ZC3H12B: variants seen among roughly 807,000 people sequenced by gnomAD.
ZC3H12B encodes the protein zinc finger CCCH-type containing 12B.
A neutral mutation model predicts 43.9 loss-of-function variants in ZC3H12B; 7 were observed. The ratio of observed to expected loss-of-function variants is 0.16; its 90% CI spans 0.09 to 0.30. ZC3H12B has a LOEUF of 0.30. Among genes scored for constraint, ZC3H12B ranks in the 10% least tolerant of loss-of-function variants. The pLI is 1.00. For synonymous variants in ZC3H12B, 222 were observed against 241.7 expected (o/e 0.92, Z 0.76); for missense variants, 475 against 670.2 (o/e 0.71, Z 3.22).
chrX:65,284,698 T>A, the ZC3H12B span, among the ~76,000 whole-genome samples: 2 of 110,100 alleles, frequency 1.8e-5, no homozygotes, highest in South Asian at 7.7e-4. Flanking sequence ...GAGGAAGAGG[T>A]TGCAGTGAGC....
At chrX:65,473,053 G>T (rs1204927358) in intron 3 of ZC3H12B, among the ~76,000 whole-genome samples, 1 of 95,691 alleles carries the variant, frequency 1.0e-5, no homozygotes, top group East Asian at 3.2e-4. Flanking sequence ...TACTCTTGTT[G>T]CCCAGGCTAA....
chrX:65,089,880 T>G, the ZC3H12B span, among the ~76,000 whole-genome samples: 2 of 111,530 alleles, frequency 1.8e-5, no homozygotes, highest in East Asian at 2.8e-4. Flanking sequence ...TCAACATCTT[T>G]TCCCACTGGA....
chrX:65,172,219 C>G, the ZC3H12B span, among the ~76,000 whole-genome samples: 2 of 112,600 alleles, frequency 1.8e-5, no homozygotes, highest in Non-Finnish European at 3.8e-5. Context: ...TGTTTATTGG[C>G]TACATAAATG....
At chrX:65,234,643 G>A in the ZC3H12B span, among the ~76,000 whole-genome samples, 1 of 112,233 alleles carries the variant, frequency 8.9e-6, no homozygotes, top group Non-Finnish European at 1.9e-5. Context: ...AATAAAAAAA[G>A]AAGTCTATTA....
intron 3 of ZC3H12B, among the ~76,000 whole-genome samples, chrX:65,428,696 C>A (rs941938664): frequency 8.9e-5 from 10 of 112,245 alleles, no homozygotes. Flanking sequence ...TGGGTTACAA[C>A]ATGTTCCTTT....
chrX:65,182,267 G>T, the ZC3H12B span, among the ~76,000 whole-genome samples: 3 of 110,771 alleles, frequency 2.7e-5, no homozygotes, highest in Non-Finnish European at 5.7e-5. Flanking sequence ...TGGGGGCAAG[G>T]GGAGGGAGAG....
At chrX:65,090,601 A>G in the ZC3H12B span, among the ~76,000 whole-genome samples, 1 of 111,720 alleles carries the variant, frequency 9.0e-6, no homozygotes, top group Non-Finnish European at 1.9e-5. Flanking sequence ...GGTTGGCTCC[A>G]GAAGATACCC....
chrX:65,121,497 TC>T, the ZC3H12B span, among the ~76,000 whole-genome samples: 6 of 111,644 alleles, frequency 5.4e-5, no homozygotes, highest in African/African-American at 2.0e-4. Context: ...GGTGGTGATA[TC>T]CACTTTATTA....
At chrX:65,188,802 GTTT>G in the ZC3H12B span, among the ~76,000 whole-genome samples, 120 of 100,872 alleles carry the variant, frequency 1.2e-3, 1 homozygote, top group Middle Eastern at 4.9e-3. Context: ...AAGTCTTTAA[GTTT>G]TTTTTTTTTA....
chrX:65,410,574 G>T (rs984250716), intron 3 of ZC3H12B, among the ~76,000 whole-genome samples: 1 of 111,550 alleles, frequency 9.0e-6, no homozygotes, highest in African/African-American at 3.3e-5. Context: ...CATCAGACAA[G>T]GGATTAATAA....
At chrX:65,374,110 T>G (rs1483471720) in intron 2 of ZC3H12B, among the ~76,000 whole-genome samples, 1 of 69,007 alleles carries the variant, frequency 1.4e-5, no homozygotes, top group East Asian at 4.1e-4. Flanking sequence ...TATATATAGG[T>G]TATATATAAC....
At chrX:65,317,914 CTGAT>C in the ZC3H12B span, among the ~76,000 whole-genome samples, 1 of 104,195 alleles carries the variant, frequency 9.6e-6, no homozygotes, top group African/African-American at 3.5e-5. Flanking sequence ...TATTTATCCA[CTGAT>C]TGATTGATGG....
At chrX:65,403,579 GA>G (rs1418316209) in intron 3 of ZC3H12B, among the ~76,000 whole-genome samples, 1 of 111,662 alleles carries the variant, frequency 9.0e-6, no homozygotes, top group Non-Finnish European at 1.9e-5. Flanking sequence ...AAAGCAGCAA[GA>G]AAAAAGACAC....
intron 3 of ZC3H12B, among the ~76,000 whole-genome samples, chrX:65,465,455 C>A (rs1305403672): frequency 9.0e-6 from 1 of 110,852 alleles, no homozygotes; most frequent in Non-Finnish European, 1.9e-5. Flanking sequence ...CATGGCATAT[C>A]TTTTTCCATT....
intron 1 of ZC3H12B, among the ~76,000 whole-genome samples, chrX:65,490,900 G>A (rs1050078701): frequency 6.3e-5 from 7 of 110,803 alleles, no homozygotes; most frequent in Non-Finnish European, 1.3e-4. Flanking sequence ...TTTTCCCATG[G>A]TATTGGGTGC....
the ZC3H12B span, among the ~76,000 whole-genome samples, chrX:65,222,865 A>C: frequency 9.1e-6 from 1 of 110,489 alleles, no homozygotes. Flanking sequence ...CATTCTTTAC[A>C]GAACTAGAAA....
the ZC3H12B span, among the ~76,000 whole-genome samples, chrX:65,338,424 C>A: frequency 9.0e-6 from 1 of 111,689 alleles, no homozygotes; most frequent in African/African-American, 3.3e-5. Context: ...AGTTGAATTC[C>A]ATTAGACATA....
chrX:65,207,551 T>C, the ZC3H12B span, among the ~76,000 whole-genome samples: 1 of 110,595 alleles, frequency 9.0e-6, no homozygotes, highest in Non-Finnish European at 1.9e-5. Context: ...GCTGGGGTGA[T>C]GGGTGCACCA....
chrX:65,152,082 G>C, the ZC3H12B span, among the ~76,000 whole-genome samples: 1 of 111,464 alleles, frequency 9.0e-6, no homozygotes. Context: ...GGATGTATCT[G>C]CAAATAATAA....
Sources: allele counts gnomAD v4.1 joint callset (sites outside exome capture counted in the v4.1 genomes callset), GRCh38; gene constraint gnomAD v4.1.1; transcripts MANE v1.5; gene names NCBI Gene and HGNC (gene_info 2026-07-23, HGNC 2026-07-21).